RPN2: variants seen among roughly 807,000 people sequenced by gnomAD.
RPN2 encodes the protein ribophorin II, also known as dolichyl-diphosphooligosaccharide--protein glycosyltransferase subunit 2.
Under a neutral mutation model 71.4 loss-of-function variants are expected in RPN2, and 29 were observed. That is an observed-to-expected ratio of 0.41 (90% CI 0.30 to 0.55). RPN2 has a LOEUF of 0.55. Among genes scored for constraint, RPN2 ranks in the 20% least tolerant of loss-of-function variants. RPN2 has a pLI of 0.35. For synonymous variants in RPN2, 308 were observed against 305.0 expected (o/e 1.01, Z -0.10); for missense variants, 726 against 774.1 (o/e 0.94, Z 0.74).
intron 2 of RPN2, among the ~76,000 whole-genome samples, chr20:37,186,089 G>A (rs982847554): frequency 7.2e-5 from 11 of 152,152 alleles, no homozygotes; most frequent in Admixed American, 5.9e-4. Context: ...AACCAGTAAT[G>A]GCATGGTGAG....
intron 4 of RPN2, 107 bp downstream of exon 4, chr20:37,199,332 T>A: frequency 7.3e-7 from 1 of 1,378,718 alleles, no homozygotes; most frequent in Non-Finnish European, 1.0e-6. Flanking sequence ...GTACTTGCAG[T>A]AAATACTTCC....
chr20:37,225,016 G>A (rs1366727406), intron 10 of RPN2, among the ~76,000 whole-genome samples: 1 of 152,204 alleles, frequency 6.6e-6, no homozygotes, highest in Non-Finnish European at 1.5e-5. Flanking sequence ...TAAAATGTGA[G>A]TATAAAATAA....
chr20:37,188,467 T>C (rs1405870105), intron 2 of RPN2, among the ~76,000 whole-genome samples: 3 of 152,082 alleles, frequency 2.0e-5, no homozygotes, highest in African/African-American at 7.2e-5. Flanking sequence ...GTCGTACTTT[T>C]TAACCTTCTT....
chr20:37,184,424 C>A (rs190456570), intron 2 of RPN2, 51 bp downstream of exon 2: 1 of 1,423,532 alleles, frequency 7.0e-7, no homozygotes, highest in East Asian at 2.3e-5. Flanking sequence ...GAACCTTCAT[C>A]CCCTCACTAT....
At chr20:37,236,744 G>T (rs779968671) in intron 16 of RPN2, 35 bp downstream of exon 16, 3 of 1,608,230 alleles carry the variant, frequency 1.9e-6, no homozygotes, top group Non-Finnish European at 2.6e-6. Context: ...TCTAGAGTAG[G>T]GTTAGAAATA....
At chr20:37,231,261 G>C (rs527313295) in intron 13 of RPN2, among the ~76,000 whole-genome samples, 1 of 151,978 alleles carries the variant, frequency 6.6e-6, no homozygotes, top group Non-Finnish European at 1.5e-5. Context: ...TTTCAGTTTG[G>C]GCCTAAACGG....
intron 16 of RPN2, among the ~76,000 whole-genome samples, chr20:37,239,198 C>T (rs1192097125): frequency 6.6e-6 from 1 of 152,196 alleles, no homozygotes; most frequent in Non-Finnish European, 1.5e-5. Flanking sequence ...GCCATATGGT[C>T]TCTTGGCACC....
chr20:37,192,361 T>C (rs1277708943), intron 2 of RPN2, among the ~76,000 whole-genome samples: 1 of 152,164 alleles, frequency 6.6e-6, no homozygotes, highest in Admixed American at 6.5e-5. Context: ...ACAAGAGAGC[T>C]CATTATCCAT....
At position 37,228,680 on chromosome 20, in the gene RPN2, G is replaced by A. The variant is rs761007276; in HGVS notation, c.1430G>A (p.Gly477Asp). ...ERKIEFDSAS[G>D]TYTLYLIIGD... Reference sequence around the variant, plus strand: ...AAGATTGAATTTGACTCTGCCTCTGGCACCTACACTCTCTACTTAATCATT... The same window carrying A: ...AAGATTGAATTTGACTCTGCCTCTGACACCTACACTCTCTACTTAATCATT... Residue 477 changes from glycine (G) to aspartate (D), a missense_variant, in exon 12 of 17, where the codon GGC becomes GAC. Gly to Asp is a moderately conservative substitution (Grantham distance 94). Transcript: ENST00000237530. 1 of 1,614,136 alleles carries A rather than the reference G, an allele frequency of 6.2e-7. No individual in the cohort carries two copies. Among genetic ancestry groups the A allele is most frequent in the Non-Finnish European group, 8.5e-7 (1 of 1,180,000 alleles).
At chr20:37,196,810 G>T (rs2067266749) in intron 2 of RPN2, among the ~76,000 whole-genome samples, 1 of 152,168 alleles carries the variant, frequency 6.6e-6, no homozygotes, top group Non-Finnish European at 1.5e-5. Context: ...CGTAGTAGCG[G>T]GGGCTTGGCG....
At chr20:37,212,395 T>C (rs1320787257) in intron 8 of RPN2, among the ~76,000 whole-genome samples, 1 of 152,150 alleles carries the variant, frequency 6.6e-6, no homozygotes, top group Non-Finnish European at 1.5e-5. Context: ...AAGACCAGTC[T>C]GGGCAACATA....
intron 12 of RPN2, among the ~76,000 whole-genome samples, chr20:37,229,064 T>C (rs1206842814): frequency 1.3e-5 from 2 of 152,162 alleles, no homozygotes; most frequent in Non-Finnish European, 2.9e-5. Flanking sequence ...TGGGGTTACG[T>C]AGATGTGAAA....
chr20:37,199,563 A>G (rs924844231), intron 4 of RPN2, among the ~76,000 whole-genome samples: 2 of 152,142 alleles, frequency 1.3e-5, no homozygotes, highest in East Asian at 1.9e-4. Flanking sequence ...AGCCACGTGC[A>G]TGTCTTGTTG....
At chr20:37,201,160 G>A (rs922053994) in intron 4 of RPN2, among the ~76,000 whole-genome samples, 12 of 151,816 alleles carry the variant, frequency 7.9e-5, no homozygotes, top group African/African-American at 7.3e-5. Flanking sequence ...CTTGGTGGGC[G>A]TGTAGGAAAC....
chr20:37,179,413 G>A, intron 1 of RPN2, 44 bp downstream of exon 1: 1 of 69,632 alleles, frequency 1.4e-5, no homozygotes, highest in Non-Finnish European at 1.8e-5. Flanking sequence ...TGTCGCCCGC[G>A]GGAGGTTACT....
chr20:37,181,031 C>T (rs1053377170), intron 1 of RPN2, among the ~76,000 whole-genome samples: 1 of 152,086 alleles, frequency 6.6e-6, no homozygotes, highest in Non-Finnish European at 1.5e-5. Flanking sequence ...GAGATCAAGA[C>T]CATCCTGGCC....
At chr20:37,234,370 A>G (rs1432829018) in intron 15 of RPN2, among the ~76,000 whole-genome samples, 1 of 152,230 alleles carries the variant, frequency 6.6e-6, no homozygotes, top group Non-Finnish European at 1.5e-5. Context: ...ATTTCCAGAG[A>G]TTACTCACTT....
intron 2 of RPN2, among the ~76,000 whole-genome samples, chr20:37,190,664 A>G (rs1383246226): frequency 2.0e-5 from 3 of 152,186 alleles, no homozygotes; most frequent in Non-Finnish European, 4.4e-5. Flanking sequence ...CTCACTGCTT[A>G]GCATACATCT....
At chr20:37,211,005 T>C (rs1384860891) in intron 8 of RPN2, among the ~76,000 whole-genome samples, 3 of 151,874 alleles carry the variant, frequency 2.0e-5, no homozygotes, top group African/African-American at 7.2e-5. Context: ...CTGGGCAACA[T>C]AGCAGGACCC....
Sources: allele counts gnomAD v4.1 joint callset (sites outside exome capture counted in the v4.1 genomes callset), GRCh38; gene constraint gnomAD v4.1.1; transcripts MANE v1.5; gene names NCBI Gene and HGNC (gene_info 2026-07-23, HGNC 2026-07-21).